Variants in PLCXD2 observed in about 807,000 individuals in gnomAD.
PLCXD2 encodes the protein PI-PLC X domain-containing protein 2.
PLCXD2 carries 21 observed loss-of-function variants against 28.6 expected under a neutral mutation model. The ratio of observed to expected loss-of-function variants is 0.73; its 90% CI spans 0.52 to 1.06. The LOEUF is 1.06. PLCXD2 is among the 50% of genes least tolerant of loss of function. The pLI is 0.00. For missense variants in PLCXD2, 369 were observed against 376.7 expected (o/e 0.98, Z 0.17); for synonymous variants, 140 against 150.1 (o/e 0.93, Z 0.49).
intron 1 of PLCXD2, among the ~76,000 whole-genome samples, chr3:111,706,172 CT>C (rs1224193141): frequency 3.3e-5 from 5 of 152,248 alleles, no homozygotes; most frequent in Admixed American, 3.3e-4. Flanking sequence ...TGTCTTCTTT[CT>C]GAGAAATGTC....
chr3:111,706,339 T>A (rs1276277149), intron 1 of PLCXD2, among the ~76,000 whole-genome samples: 4 of 152,230 alleles, frequency 2.6e-5, no homozygotes, highest in African/African-American at 9.6e-5. Context: ...TCGCTCTTGA[T>A]TGTTTCCTTT....
intron 3 of PLCXD2, among the ~76,000 whole-genome samples, chr3:111,719,726 G>A (rs1392531050): frequency 6.6e-6 from 1 of 152,208 alleles, no homozygotes; most frequent in Non-Finnish European, 1.5e-5. Flanking sequence ...CAGTATAGCT[G>A]TTGCCTCTGG....
At chr3:111,683,219 G>A (rs779779157) in intron 1 of PLCXD2, among the ~76,000 whole-genome samples, 1 of 152,174 alleles carries the variant, frequency 6.6e-6, no homozygotes, top group Non-Finnish European at 1.5e-5. Context: ...TATAAATAGC[G>A]AGGAGTAGAA....
At chr3:111,675,436 CTG>C in intron 1 of PLCXD2, 28 bp downstream of exon 1, 1 of 1,612,928 alleles carries the variant, frequency 6.2e-7, no homozygotes, top group Non-Finnish European at 8.5e-7. Context: ...CTTGTTCCCA[CTG>C]TGTTTAATTC....
At chr3:111,679,815 C>G (rs535003277) in intron 1 of PLCXD2, among the ~76,000 whole-genome samples, 2 of 152,338 alleles carry the variant, frequency 1.3e-5, no homozygotes, top group South Asian at 2.1e-4. Context: ...AACTTCTTTT[C>G]TAGGAGCGAT....
Position 111,715,791 on chromosome 3 carries a change from A to T in PLCXD2, c.866+1663A>T, listed in dbSNP as rs149972698. 6.6e-3 allele frequency among the ~76,000 whole-genome samples: 1,002 copies of T among 152,234 alleles called. 7 individuals are homozygous for T. Among genetic ancestry groups the T allele is most frequent in the Non-Finnish European group, 9.4e-3 (639 of 67,992 alleles). ...TGATCGTTAGACCACTGCCCTTTTC[A>T]GCGTTGGACACTGACTTGGATACTG... On this transcript the variant is annotated intron_variant, in intron 3 of 4. Transcript: ENST00000477665.
chr3:111,714,057 G>A lies in PLCXD2; in HGVS notation c.795G>A (p.Ala265=), dbSNP rs61755448. 5.8e-5 allele frequency: 94 copies of A among 1,614,030 alleles called. No individual in the cohort carries two copies. The highest frequency in any genetic ancestry group is 1.3e-4 in the East Asian group (6 of 44,892). Residue 265 remains alanine, a synonymous_variant, in exon 3 of 5, where the codon GCG becomes GCA. Coordinates refer to ENST00000477665, the MANE Select transcript of PLCXD2 (RefSeq NM_001185106.1). Reference sequence around the variant, plus strand: ...GGGGCTCCTTCCATGTCTCCCAAGCGATCCTCACCCCCAGAGTGAAGACCA... The same window carrying A: ...GGGGCTCCTTCCATGTCTCCCAAGCAATCCTCACCCCCAGAGTGAAGACCA...
intron 1 of PLCXD2, among the ~76,000 whole-genome samples, chr3:111,675,808 A>G (rs1192809538): frequency 2.0e-5 from 3 of 152,228 alleles, no homozygotes; most frequent in Admixed American, 6.5e-5. Flanking sequence ...ATTAAAACTG[A>G]AAAATATTTT....
In PLCXD2 at chr3:111,718,308, C is replaced by T. The variant is rs367797311; in HGVS notation, c.866+4180C>T. Among the ~76,000 whole-genome samples, 13 of 152,166 alleles carry T rather than the reference C, an allele frequency of 8.5e-5. No individual in the cohort carries two copies. In the East Asian group the frequency reaches 2.1e-3, roughly 25 times the overall value. On this transcript the variant is annotated intron_variant, in intron 3 of 4. Coordinates refer to ENST00000477665, the MANE Select transcript of PLCXD2 (RefSeq NM_001185106.1). ...TGAAACCCCGTCTCTACTGAAAATA[C>T]AAAGAAATTAGCTGGGCGTGGTGGC...
intron 1 of PLCXD2, among the ~76,000 whole-genome samples, chr3:111,699,146 C>CT (rs1283042417): frequency 6.6e-6 from 1 of 152,116 alleles, no homozygotes; most frequent in African/African-American, 2.4e-5. Context: ...AGTTCTTTGA[C>CT]TTAGGGTCAC....
chr3:111,720,184 G>A (rs1941325989), intron 3 of PLCXD2, among the ~76,000 whole-genome samples: 1 of 152,070 alleles, frequency 6.6e-6, no homozygotes, highest in Non-Finnish European at 1.5e-5. Flanking sequence ...TTAAAGCTGA[G>A]GCTCTTGGTC....
chr3:111,696,692 G>A (rs1199106338), intron 1 of PLCXD2, among the ~76,000 whole-genome samples: 1 of 152,064 alleles, frequency 6.6e-6, no homozygotes, highest in Non-Finnish European at 1.5e-5. Context: ...CTGACTATTC[G>A]TTATAGAAAA....
rs1941407455 is a variant in PLCXD2, at chr3:111,725,765, T to G, written c.867-6854T>G. On this transcript the variant is annotated intron_variant, in intron 3 of 4. Transcript: ENST00000477665. ...TTTAGATAAATATTTACCCTTATAT[T>G]TGGGGGGAATTCAGGCTCACCATTT... 14 of 398,454 alleles carry G rather than the reference T, an allele frequency of 3.5e-5. No homozygotes were observed. The East Asian group carries it at 5.0e-4, about 14-fold the overall frequency. The allele number at this position is 398,454 out of a possible 1,614,324, so 24.7% of individuals were successfully genotyped here. A position where few individuals can be genotyped will look rare whatever the true frequency, so the allele number is the denominator to read the frequency against.
Position 111,674,848 on chromosome 3 carries a change from CGCGCACCTG to C in PLCXD2, c.-397_-389del, listed in dbSNP as rs1269773254. On this transcript the variant is annotated 5_prime_UTR_variant, in exon 1 of 5. Transcript: ENST00000477665. Reference sequence around the variant, plus strand: ...TCAGGCTAGAGCCGGCGCGCCCGGGCGCGCACCTGTGTATGGACCCGCAGGCATGTCTGT... The same window carrying C: ...TCAGGCTAGAGCCGGCGCGCCCGGGCTGTATGGACCCGCAGGCATGTCTGT... 2.4e-5 allele frequency: 4 copies of C among 165,062 alleles called. No homozygotes were observed. Among genetic ancestry groups the C allele is most frequent in the African/African-American group, 9.6e-5 (4 of 41,654 alleles). The allele number at this position is 165,062 out of a possible 1,614,324, so 10.2% of individuals were successfully genotyped here.
rs368917773 is a variant in PLCXD2, at chr3:111,707,965, C to T, written c.203C>T (p.Ser68Phe). ...TTCAGCTACTGGGTGGATGAAAAGT[C>T]CCCAGTGGGGCCTGACCAAACCCAA... Residue 68 changes from serine to phenylalanine, a missense_variant, in exon 2 of 5, where the codon TCC becomes TTC. Coordinates refer to ENST00000477665, the MANE Select transcript of PLCXD2 (RefSeq NM_001185106.1). The T allele has an allele frequency of 1.9e-5, 31 of 1,613,994 alleles. No individual in the cohort carries two copies. The highest frequency in any genetic ancestry group is 2.5e-5 in the Non-Finnish European group (30 of 1,179,952).
At chr3:111,681,627 G>A (rs1439222483) in intron 1 of PLCXD2, among the ~76,000 whole-genome samples, 3 of 152,050 alleles carry the variant, frequency 2.0e-5, no homozygotes, top group East Asian at 1.9e-4. Flanking sequence ...TAGCTATGAC[G>A]TTAGCCTCAG....
chr3:111,706,967 G>T (rs1386279285), intron 1 of PLCXD2, among the ~76,000 whole-genome samples: 1 of 152,154 alleles, frequency 6.6e-6, no homozygotes, highest in Non-Finnish European at 1.5e-5. Flanking sequence ...TAAATAGGTA[G>T]ACTCCAATAG....
intron 1 of PLCXD2, among the ~76,000 whole-genome samples, chr3:111,686,448 T>C (rs1187300224): frequency 1.3e-5 from 2 of 152,196 alleles, no homozygotes; most frequent in African/African-American, 4.8e-5. Context: ...CTCTCTCAGA[T>C]TTTGCAGGCA....
At chr3:111,675,985 G>A (rs1256899525) in intron 1 of PLCXD2, among the ~76,000 whole-genome samples, 1 of 152,202 alleles carries the variant, frequency 6.6e-6, no homozygotes, top group African/African-American at 2.4e-5. Context: ...TGATGAGGTG[G>A]TGGTGTTTGA....
Sources: allele counts gnomAD v4.1 joint callset (sites outside exome capture counted in the v4.1 genomes callset), GRCh38; gene constraint gnomAD v4.1.1; transcripts MANE v1.5; gene names NCBI Gene and HGNC (gene_info 2026-07-23, HGNC 2026-07-21).